BCAN: variants seen among roughly 807,000 people sequenced by gnomAD.
The protein encoded by BCAN is brevican.
BCAN carries 51 observed loss-of-function variants against 92.4 expected under a neutral mutation model. The observed-to-expected ratio is 0.55, with a 90% CI of 0.44 to 0.70. The LOEUF is 0.70. Ranked by LOEUF, BCAN falls within the 30% of genes least tolerant of loss-of-function variation. The pLI is 0.00. For synonymous variants in BCAN, 501 were observed against 505.2 expected (o/e 0.99, Z 0.11); for missense variants, 1,140 against 1,212.1 (o/e 0.94, Z 0.88).
At position 156,648,068 on chromosome 1, in the gene BCAN, G is replaced by C. The variant is rs746726772; in HGVS notation, c.727G>C (p.Asp243His). The stretch of plus-strand genomic sequence containing the variant: ...CCGGAACTATGGTGTGGTGGACCCG[G>C]ATGACCTCTATGATGTGTACTGTTA... ...GVRNYGVVDPDDLYDVYCYAE... is the reference protein window; with the variant it reads ...GVRNYGVVDPHDLYDVYCYAE... The change falls in exon 5 of 14, where the codon GAT (aspartate) becomes CAT (histidine). Residue 243 changes from aspartate (D) to histidine (H), a missense_variant. By Grantham distance (81) the Asp-to-His change is moderately conservative. Around this residue, in one of 3 missense-constraint regions of BCAN, gnomAD observed 825 missense variants for 871.8 expected, o/e 0.95. Coordinates refer to ENST00000329117, the MANE Select transcript of BCAN (RefSeq NM_021948.5). 5 of 1,614,048 alleles carry C rather than the reference G, an allele frequency of 3.1e-6. No homozygotes were observed. The highest frequency in any genetic ancestry group is 1.3e-5 in the African/African-American group (1 of 75,010).
intron 6 of BCAN, among the ~76,000 whole-genome samples, chr1:156,650,427 C>A (rs1036580026): frequency 2.0e-5 from 3 of 152,158 alleles, no homozygotes; most frequent in Admixed American, 6.5e-5. Context: ...TTTTCTTAGC[C>A]CAATTCCACC....
Position 156,658,008 on chromosome 1 carries a change from C to G in BCAN, c.2293-119C>G. The G allele has an allele frequency of 1.6e-6, 2 of 1,230,178 alleles. No individual in the cohort carries two copies. The highest frequency in any genetic ancestry group is 3.0e-5 in the South Asian group (2 of 67,736). The allele number at this position is 1,230,178 out of a possible 1,614,324, so 76.2% of individuals were successfully genotyped here. A position where few individuals can be genotyped will look rare whatever the true frequency, so the allele number is the denominator to read the frequency against. Reference sequence around the variant, plus strand: ...CCTTCCCCGGGAGATCCCCTACCCCCTAGCCCTAACCTTCCCTCTCCTGGG... The same window carrying G: ...CCTTCCCCGGGAGATCCCCTACCCCGTAGCCCTAACCTTCCCTCTCCTGGG... On this transcript the variant is annotated intron_variant, in intron 11 of 13. Coordinates refer to ENST00000329117, the MANE Select transcript of BCAN (RefSeq NM_021948.5). The surrounding 1 kb of genome is among the most constrained non-coding windows in gnomAD (Gnocchi z 4.4).
chr1:156,656,513 G>A (rs1186493328), intron 9 of BCAN, 124 bp downstream of exon 9: 12 of 721,528 alleles, frequency 1.7e-5, no homozygotes, highest in Non-Finnish European at 2.1e-5. Context: ...TTTTAGGCAA[G>A]TTGCATAACT....
At chr1:156,646,170 C>CGTCTCT (rs773723832) in intron 2 of BCAN, 25 bp downstream of exon 2, 55 of 1,604,514 alleles carry the variant, frequency 3.4e-5, no homozygotes, top group Non-Finnish European at 4.4e-5. Flanking sequence ...TTGGGGTCAC[C>CGTCTCT]GTCTCTGTCT....
At chr1:156,656,786 C>G (rs1482895136) in intron 9 of BCAN, 152 bp from the exon 10 acceptor site, 6 of 1,070,778 alleles carry the variant, frequency 5.6e-6, no homozygotes, top group African/African-American at 3.2e-5. Context: ...CCTGCTACCC[C>G]CTCATTCTCT....
At chr1:156,645,992 G>T in intron 1 of BCAN, 55 bp from the exon 2 acceptor site, 1 of 1,486,708 alleles carries the variant, frequency 6.7e-7, no homozygotes, top group South Asian at 1.2e-5. Context: ...GGGAGCAGGG[G>T]GGAAGTCCAT....
At position 156,655,391 on chromosome 1, in the gene BCAN, C is replaced by T. The variant is rs140861631; in HGVS notation, c.1943-891C>T. 1.2e-3 allele frequency among the ~76,000 whole-genome samples: 176 copies of T among 152,232 alleles called. 1 individual carries two copies. Among genetic ancestry groups the T allele is most frequent in the African/African-American group, 4.1e-3 (170 of 41,532 alleles). ...AGAGGACTGCCTGGAGGAGAGGGAG[C>T]CAGAAGGAGGGATTGAGATGGATTC... On this transcript the variant is annotated intron_variant, in intron 8 of 13. Transcript: ENST00000329117.
In BCAN at chr1:156,652,726, T is replaced by G. The variant is rs776010376; in HGVS notation, c.1776T>G (p.Pro592=). 5 of 1,603,928 alleles carry G rather than the reference T, an allele frequency of 3.1e-6. No homozygotes were observed. The highest frequency in any genetic ancestry group is 1.3e-5 in the African/African-American group (1 of 74,608). Residue 592 remains proline (P), a synonymous_variant, in exon 8 of 14, where the codon CCT becomes CCG. Coordinates refer to ENST00000329117, the MANE Select transcript of BCAN (RefSeq NM_021948.5). Reference sequence around the variant, plus strand: ...AGACAGGAAGCTCCGAGGGTGCCCCTTCCCTGCTTCCAGCCACACGGGCCC... The same window carrying G: ...AGACAGGAAGCTCCGAGGGTGCCCCGTCCCTGCTTCCAGCCACACGGGCCC... ...SEETGSSEGA[P]SLLPATRAPE...
chr1:156,654,512 G>C (rs534458440), intron 8 of BCAN, among the ~76,000 whole-genome samples: 18 of 152,324 alleles, frequency 1.2e-4, no homozygotes, highest in Admixed American at 8.5e-4. Flanking sequence ...CTTTCTGGTT[G>C]TGTAGAATAG....
Position 156,646,982 on chromosome 1 carries a change from G to A in BCAN, c.273G>A (p.Leu91=), listed in dbSNP as rs1332808057. Residue 91 remains leucine, a synonymous_variant, in exon 3 of 14, where the codon CTG becomes CTA. Coordinates refer to ENST00000329117, the MANE Select transcript of BCAN (RefSeq NM_021948.5). ...FLSRGREAEV[L]VARGVRVKVN... ...CCCGGGGCCGGGAGGCAGAGGTGCT[G>A]GTGGCGCGGGGAGTGCGCGTCAAGG... The A allele has an allele frequency of 1.2e-6, 2 of 1,612,942 alleles. No individual in the cohort carries two copies. The highest frequency in any genetic ancestry group is 1.7e-6 in the Non-Finnish European group (2 of 1,179,598).
At chr1:156,656,229 C>A in intron 8 of BCAN, 53 bp from the exon 9 acceptor site, 1 of 1,311,436 alleles carries the variant, frequency 7.6e-7, no homozygotes, top group Non-Finnish European at 1.0e-6. Flanking sequence ...AGGGCTCAGG[C>A]TGCAGAGTGC....
At position 156,647,829 on chromosome 1, in the gene BCAN, G is replaced by A. The variant is rs370917811; in HGVS notation, c.641+147G>A. The A allele has an allele frequency of 1.1e-4, 171 of 1,529,800 alleles. No homozygotes were observed. In the East Asian group the frequency reaches 1.9e-3, roughly 17 times the overall value. The allele number at this position is 1,529,800 out of a possible 1,614,324, so 94.8% of individuals were successfully genotyped here. A position where few individuals can be genotyped will look rare whatever the true frequency, so the allele number is the denominator to read the frequency against. The stretch of plus-strand genomic sequence containing the variant: ...AGGCTGGTCTGAGGAGGGGAGGTGA[G>A]GACCCTGAGCATGTGCATCCCTGCA... On this transcript the variant is annotated intron_variant, in intron 4 of 13. Transcript: ENST00000329117. The surrounding 1 kb of genome is among the most constrained non-coding windows in gnomAD (Gnocchi z 4.8).
At position 156,657,049 on chromosome 1, in the gene BCAN, C is replaced by T; in HGVS notation, c.2162C>T (p.Ala721Val). 6.2e-7 allele frequency: 1 copy of T among 1,614,206 alleles called. No individual in the cohort carries two copies. The highest frequency in any genetic ancestry group is 8.5e-7 in the Non-Finnish European group (1 of 1,180,024). ...EAETQCRMYGAHLASISTPEE... is the reference protein window; with the variant it reads ...EAETQCRMYGVHLASISTPEE... ...GAGACCCAGTGCCGGATGTACGGCG[C>T]GCATCTGGCCAGCATCAGCACACCC... Residue 721 changes from alanine (A) to valine (V), a missense_variant, in exon 10 of 14, where the codon GCG becomes GTG. Physicochemically the swap from Ala to Val is moderately conservative, Grantham distance 64 (BLOSUM62 0). This residue lies in a region of BCAN where 825 missense variants were observed against 871.8 expected (regional missense o/e 0.95). Transcript: ENST00000329117.
At chr1:156,646,594 G>C (rs994920726) in intron 2 of BCAN, 8 of 758,636 alleles carry the variant, frequency 1.1e-5, no homozygotes, top group African/African-American at 3.7e-5. Flanking sequence ...GACTTTGGGG[G>C]ATGGGTCTGG....
At chr1:156,648,896 C>T (rs763768551) in intron 6 of BCAN, 35 bp downstream of exon 6, 27 of 1,524,208 alleles carry the variant, frequency 1.8e-5, no homozygotes, top group Admixed American at 1.6e-4. Flanking sequence ...TGAGACCAAT[C>T]TCAGAAAGGC....
Position 156,644,546 on chromosome 1 carries a change from C to T in BCAN, c.-8-1501C>T, listed in dbSNP as rs1678898945. 2.6e-5 allele frequency: 4 copies of T among 152,308 alleles called. No homozygotes were observed. In the South Asian group the frequency reaches 6.2e-4, roughly 24 times the overall value. The allele number at this position is 152,308 out of a possible 1,614,324, so 9.4% of individuals were successfully genotyped here. Reference sequence around the variant, plus strand: ...TCTAATCTGGCCCCATCAAGAACCTCCTCCCTCTGAAAGGTCAGAGAGAGG... The same window carrying T: ...TCTAATCTGGCCCCATCAAGAACCTTCTCCCTCTGAAAGGTCAGAGAGAGG... On this transcript the variant is annotated intron_variant, in intron 1 of 13. Coordinates refer to ENST00000329117, the MANE Select transcript of BCAN (RefSeq NM_021948.5).
rs1292441055 is a variant in BCAN at position 156,652,275 on chromosome 1, C to A, written c.1325C>A (p.Pro442His). 6.2e-7 allele frequency: 1 copy of A among 1,605,366 alleles called. No homozygotes were observed. The highest frequency in any genetic ancestry group is 2.2e-5 in the East Asian group (1 of 44,870). Residue 442 changes from proline (P) to histidine (H), a missense_variant, in exon 8 of 14, where the codon CCC becomes CAC. This residue lies in a region of BCAN where 825 missense variants were observed against 871.8 expected (regional missense o/e 0.95). Transcript: ENST00000329117. ...LEFETQSMVP[P>H]TGFSEEEGKA... is the part of the protein sequence containing the mutation. ...TTTGAAACACAATCCATGGTACCGC[C>A]CACGGGGTTCTCAGAAGAGGAAGGT...
In BCAN at chr1:156,647,580, C is replaced by G. The variant is rs142437551; in HGVS notation, c.539C>G (p.Ala180Gly). Residue 180 changes from alanine to glycine, a missense_variant, in exon 4 of 14, where the codon GCC becomes GGC. Around this residue, in one of 3 missense-constraint regions of BCAN, gnomAD observed 286 missense variants for 284.1 expected, o/e 1.01. Coordinates refer to ENST00000329117, the MANE Select transcript of BCAN (RefSeq NM_021948.5). The surrounding 1 kb of genome is among the most constrained non-coding windows in gnomAD (Gnocchi z 4.8). ...FSFSGAQEAC[A>G]RIGAHIATPE... ...TTTTCTGGGGCCCAGGAGGCCTGTG[C>G]CCGCATTGGAGCCCACATCGCCACC... The G allele has an allele frequency of 4.4e-4, 707 of 1,612,724 alleles. 1 individual carries two copies. Among genetic ancestry groups the G allele is most frequent in the South Asian group, 3.4e-3 (311 of 90,974 alleles).
At chr1:156,650,178 C>A (rs1321845047) in intron 6 of BCAN, among the ~76,000 whole-genome samples, 2 of 152,056 alleles carry the variant, frequency 1.3e-5, no homozygotes, top group Non-Finnish European at 2.9e-5. Flanking sequence ...ATAGCTAAAA[C>A]TTCTGTGTGC....
Sources: allele counts gnomAD v4.1 joint callset (sites outside exome capture counted in the v4.1 genomes callset), GRCh38; gene constraint gnomAD v4.1.1; regional missense constraint gnomAD v4.1.1; non-coding constraint Gnocchi (gnomAD v3.1); transcripts MANE v1.5; gene names NCBI Gene and HGNC (gene_info 2026-07-23, HGNC 2026-07-21).